HABP2: variants seen among roughly 807,000 people sequenced by gnomAD.
HABP2 encodes factor VII-activating protease.
A neutral mutation model predicts 66.5 loss-of-function variants in HABP2; 65 were observed. That is an observed-to-expected ratio of 0.98 (90% CI 0.80 to 1.20). The LOEUF (loss-of-function observed/expected upper bound fraction) is 1.20. Among genes scored for constraint, HABP2 ranks in the 50% most tolerant of loss-of-function variants. The probability of loss-of-function intolerance (pLI) is 0.00; values close to 1 mark genes in which losing one functional copy is unlikely to be tolerated. For missense variants in HABP2, 786 were observed against 691.0 expected, an observed-to-expected ratio of 1.14 and a Z score of -1.54; for synonymous variants, 263 against 253.9, an observed-to-expected ratio of 1.04 and a Z score of -0.34.
Position 113,578,044 on chromosome 10 carries a change from C to T in HABP2, c.467C>T (p.Pro156Leu). Residue 156 changes from proline to leucine, a missense_variant, in exon 6 of 13, where the codon CCA becomes CTA. Transcript: ENST00000351270. ...SCSQVVPVCRPNPCQNGATCS... is the reference protein window; with the variant it reads ...SCSQVVPVCRLNPCQNGATCS... ...TTCACAGTGGTTCCTGTATGCAGGC[C>T]AAACCCCTGCCAGAATGGGGCTACC... 1 of 1,614,122 alleles carries T rather than the reference C, an allele frequency of 6.2e-7. No homozygotes were observed. The highest frequency in any genetic ancestry group is 8.5e-7 in the Non-Finnish European group (1 of 1,179,976).
At chr10:113,560,856 G>C (rs1463759174) in intron 1 of HABP2, among the ~76,000 whole-genome samples, 1 of 152,196 alleles carries the variant, frequency 6.6e-6, no homozygotes, top group Non-Finnish European at 1.5e-5. Flanking sequence ...AGATTAGCAG[G>C]GCTGAGGGAG....
chr10:113,565,133 C>T (rs1188136541), intron 1 of HABP2, among the ~76,000 whole-genome samples: 1 of 152,224 alleles, frequency 6.6e-6, no homozygotes, highest in Non-Finnish European at 1.5e-5. Context: ...CGTGAGCCAC[C>T]ACGCCCAGCC....
upstream of HABP2, among the ~76,000 whole-genome samples, chr10:113,551,822 T>G (rs191698830): frequency 6.0e-4 from 90 of 151,094 alleles, no homozygotes; most frequent in African/African-American, 2.1e-3. Flanking sequence ...ATAATAATAA[T>G]AATAATAAAA....
rs779952137 is a variant in HABP2, at chr10:113,584,188, A to G, written c.1278A>G (p.Leu426=). ...KLKPVDGHCA[L]ESKYVKTVCL... Reference sequence around the variant, plus strand: ...AGCCAGTGGATGGTCACTGTGCTCTAGAATCCAAATACGTGAAGACTGTGT... The same window carrying G: ...AGCCAGTGGATGGTCACTGTGCTCTGGAATCCAAATACGTGAAGACTGTGT... Residue 426 remains leucine (L), a synonymous_variant, in exon 11 of 13, where the codon CTA becomes CTG. Coordinates refer to ENST00000351270, the MANE Select transcript of HABP2 (RefSeq NM_004132.5). The G allele has an allele frequency of 9.3e-6, 15 of 1,613,762 alleles. No homozygotes were observed. In the South Asian group the frequency reaches 1.6e-4, roughly 18 times the overall value.
Position 113,578,011 on chromosome 10 carries a change from T to A in HABP2, c.449-15T>A, listed in dbSNP as rs763955525. Reference sequence around the variant, plus strand: ...CTTCTGAAGAGCCTTCCTGGCCCCATTCCTGTGTTCACAGTGGTTCCTGTA... The same window carrying A: ...CTTCTGAAGAGCCTTCCTGGCCCCAATCCTGTGTTCACAGTGGTTCCTGTA... On this transcript the variant is annotated splice_polypyrimidine_tract_variant and intron_variant, in intron 5 of 12. Transcript: ENST00000351270. 6.2e-7 allele frequency: 1 copy of A among 1,613,608 alleles called. No homozygotes were observed. The highest frequency in any genetic ancestry group is 8.5e-7 in the Non-Finnish European group (1 of 1,179,840).
At chr10:113,553,028 T>G (rs1844924101), upstream of HABP2, 1 of 868,630 alleles carries the variant, frequency 1.2e-6, no homozygotes, top group African/African-American at 1.7e-5. Flanking sequence ...CATTTGTTCC[T>G]GAATCCTTGG....
rs773141545 is a variant in HABP2, at chr10:113,588,235, A to C, written c.1549A>C (p.Lys517Gln). Reference protein sequence around the residue: ...GDSGGPLTCEKDGTYYVYGIV... With the variant: ...GDSGGPLTCEQDGTYYVYGIV... ...CTCTGGAGGCCCCCTGACCTGTGAGAAGGACGGCACCTACTACGTCTATGG... is the reference window on the plus strand; with the variant it reads ...CTCTGGAGGCCCCCTGACCTGTGAGCAGGACGGCACCTACTACGTCTATGG... Residue 517 changes from lysine (K) to glutamine (Q), a missense_variant, in exon 13 of 13, where the codon AAG becomes CAG. Physicochemically the swap from Lys to Gln is moderately conservative, Grantham distance 53. Transcript: ENST00000351270. The C allele has an allele frequency of 6.2e-6, 10 of 1,612,124 alleles. No homozygotes were observed. The South Asian group carries it at 9.9e-5, about 16-fold the overall frequency.
chr10:113,582,393 T>C (rs1198017913), intron 9 of HABP2, among the ~76,000 whole-genome samples: 2 of 152,240 alleles, frequency 1.3e-5, no homozygotes, highest in Non-Finnish European at 2.9e-5. Context: ...GGGATTTTTA[T>C]CTGTTTTATT....
At chr10:113,575,135 G>A (rs11575747) in intron 3 of HABP2, among the ~76,000 whole-genome samples, 43 of 152,322 alleles carry the variant, frequency 2.8e-4, no homozygotes, top group African/African-American at 1.0e-3. Flanking sequence ...GTGCAAAGTG[G>A]CCTGGAAGGC....
At chr10:113,587,596 G>A (rs1049174246) in intron 12 of HABP2, among the ~76,000 whole-genome samples, 6 of 152,140 alleles carry the variant, frequency 3.9e-5, no homozygotes, top group African/African-American at 1.4e-4. Context: ...GCAGTATTAA[G>A]TTTTTGAGAG....
At chr10:113,577,078 A>T (rs1406849176) in intron 4 of HABP2, 72 bp from the exon 5 acceptor site, 4 of 852,908 alleles carry the variant, frequency 4.7e-6, no homozygotes, top group Non-Finnish European at 8.1e-6. Flanking sequence ...ACCCTCAAAC[A>T]TTGTTTTATA....
At chr10:113,583,154 G>T in intron 9 of HABP2, 62 bp from the exon 10 acceptor site, 2 of 1,523,300 alleles carry the variant, frequency 1.3e-6, no homozygotes, top group Non-Finnish European at 1.8e-6. Flanking sequence ...GGTCAGATTT[G>T]CCAAAGGCCA....
chr10:113,558,316 A>G (rs1433252221), intron 1 of HABP2, among the ~76,000 whole-genome samples: 1 of 152,242 alleles, frequency 6.6e-6, no homozygotes, highest in African/African-American at 2.4e-5. Flanking sequence ...CTTTTGTTAA[A>G]GACTCACCTT....
At chr10:113,563,953 C>T (rs1018880532) in intron 1 of HABP2, among the ~76,000 whole-genome samples, 6 of 152,154 alleles carry the variant, frequency 3.9e-5, no homozygotes, top group African/African-American at 1.2e-4. Context: ...GTGATGAGGG[C>T]GAGATTGAAG....
At chr10:113,583,476 C>T (rs1845579237) in intron 10 of HABP2, 118 bp downstream of exon 10, 1 of 843,226 alleles carries the variant, frequency 1.2e-6, no homozygotes, top group South Asian at 1.5e-5. Flanking sequence ...CCCTGTGGAC[C>T]CTGTGCGGTA....
In HABP2 at chr10:113,585,871, A is replaced by T; in HGVS notation, c.1451A>T (p.Asp484Val). 1.2e-6 allele frequency: 2 copies of T among 1,613,734 alleles called. No homozygotes were observed. The highest frequency in any genetic ancestry group is 1.7e-6 in the Non-Finnish European group (2 of 1,179,606). Residue 484 changes from aspartate to valine, a missense_variant, in exon 12 of 13, where the codon GAC becomes GTC. By Grantham distance (152) the Asp-to-Val change is radical. Transcript: ENST00000351270. ...NTLCNSRQLY[D>V]HMIDDSMICA... ...TTGTGCAACTCCCGCCAACTCTATG[A>T]CCACATGATTGATGACAGTATGATC...
rs1225561458 is a variant in HABP2 at position 113,582,086 on chromosome 10, C to T, written c.1049C>T (p.Ala350Val). The change falls in exon 9 of 13, where the codon GCG becomes GTG. Residue 350 changes from alanine to valine, a missense_variant. Coordinates refer to ENST00000351270, the MANE Select transcript of HABP2 (RefSeq NM_004132.5). The part of the protein sequence containing the change: ...SMPQGHFCGG[A>V]LIHPCWVLTA... The stretch of plus-strand genomic sequence containing the variant: ...CCCCAGGGCCACTTCTGTGGTGGGG[C>T]GCTGATCCACCCCTGCTGGGTGCTC... 7 of 1,611,870 alleles carry T rather than the reference C, an allele frequency of 4.3e-6. No individual in the cohort carries two copies. The African/African-American group carries it at 8.0e-5, about 18-fold the overall frequency.
At chr10:113,553,639 G>A (rs1844938869) in intron 1 of HABP2, among the ~76,000 whole-genome samples, 1 of 152,256 alleles carries the variant, frequency 6.6e-6, no homozygotes, top group African/African-American at 2.4e-5. Context: ...TAGAGGGGAA[G>A]CCTGCTGACT....
intron 1 of HABP2, among the ~76,000 whole-genome samples, chr10:113,559,615 A>G (rs1050853576): frequency 2.0e-5 from 3 of 152,214 alleles, no homozygotes; most frequent in African/African-American, 7.2e-5. Context: ...AGACCCATGG[A>G]CGCCAAACCT....
Sources: allele counts gnomAD v4.1 joint callset (sites outside exome capture counted in the v4.1 genomes callset), GRCh38; gene constraint gnomAD v4.1.1; transcripts MANE v1.5; gene names NCBI Gene and HGNC (gene_info 2026-07-23, HGNC 2026-07-21).